The following FMO1 variants were observed in gnomAD, a reference collection of about 807,000 sequenced individuals.
The protein encoded by FMO1 is flavin containing dimethylaniline monoxygenase 1, also known as flavin-containing monooxygenase 1.
A neutral mutation model predicts 45.4 loss-of-function variants in FMO1; 36 were observed. The observed-to-expected ratio is 0.79, with a 90% CI of 0.61 to 1.05. The LOEUF is 1.05. Among genes scored for constraint, FMO1 ranks in the 50% least tolerant of loss-of-function variants. FMO1 has a pLI of 0.00. For synonymous variants in FMO1, 228 were observed against 227.2 expected (o/e 1.00, Z -0.03); for missense variants, 615 against 640.3 (o/e 0.96, Z 0.43).
At chr1:171,263,081 C>T (rs1660442332) in intron 2 of FMO1, among the ~76,000 whole-genome samples, 1 of 152,126 alleles carries the variant, frequency 6.6e-6, no homozygotes, top group Admixed American at 6.5e-5. Context: ...AAAGAACTGA[C>T]CTGACAAAAT....
intron 1 of FMO1, among the ~76,000 whole-genome samples, chr1:171,257,108 T>C (rs1394871673): frequency 6.6e-6 from 1 of 152,230 alleles, no homozygotes; most frequent in Admixed American, 6.5e-5. Flanking sequence ...TTAACTCACT[T>C]GATTCTCACA....
At position 171,280,933 on chromosome 1, in the gene FMO1, A is replaced by G; in HGVS notation, c.775A>G (p.Lys259Glu). ...AATTGTGACTTGGTTGATGGAGCGA[A>G]AGATAAACAACTGGCTCAATCATGC... ...TPIVTWLMERKINNWLNHANY... is the reference protein window; with the variant it reads ...TPIVTWLMEREINNWLNHANY... The change falls in exon 6 of 9, where the codon AAG becomes GAG. Residue 259 changes from lysine (K) to glutamate (E), a missense_variant. Transcript: ENST00000617670. 6.2e-7 allele frequency: 1 copy of G among 1,613,938 alleles called. No individual in the cohort carries two copies. Among genetic ancestry groups the G allele is most frequent in the Non-Finnish European group, 8.5e-7 (1 of 1,179,860 alleles).
At position 171,258,423 on chromosome 1, in the gene FMO1, C is replaced by T. The variant is rs1197523148; in HGVS notation, c.132+204C>T. 1.1e-4 allele frequency among the ~76,000 whole-genome samples: 17 copies of T among 152,154 alleles called. 1 individual carries two copies. The highest frequency in any genetic ancestry group is 1.1e-3 in the Admixed American group (17 of 15,284). Reference sequence around the variant, plus strand: ...GGGTGGAAGTCAGAACAGACTTGTACACTTTATCTAGAGCCAAGGGGAAGA... The same window carrying T: ...GGGTGGAAGTCAGAACAGACTTGTATACTTTATCTAGAGCCAAGGGGAAGA... On this transcript the variant is annotated intron_variant, in intron 2 of 8. Transcript: ENST00000617670.
rs141176574 is a variant in FMO1, at chr1:171,280,694, C to T, written c.628-92C>T. ...TTTGAGAGTGGCAGACTTTTCAGTG[C>T]CTTTCCATTCATGACACTTCTTGAA... On this transcript the variant is annotated intron_variant, in intron 5 of 8. Coordinates refer to ENST00000617670, the MANE Select transcript of FMO1 (RefSeq NM_001282693.2). The T allele has an allele frequency of 1.7e-4, 173 of 1,046,496 alleles. No homozygotes were observed. In the East Asian group the frequency reaches 4.1e-3, roughly 25 times the overall value. The allele number at this position is 1,046,496 out of a possible 1,614,324, so 64.8% of individuals were successfully genotyped here.
At position 171,275,397 on chromosome 1, in the gene FMO1, T is replaced by C; in HGVS notation, c.373T>C (p.Trp125Arg). ...KCSDSAVSGQ[W>R]EVVTMHEEKQ... ...CTCAGATTCTGCTGTCTCTGGCCAA[T>C]GGGAGGTGGTCACTATGCATGAAGA... The change falls in exon 4 of 9, where the codon TGG becomes CGG. Residue 125 changes from tryptophan (W) to arginine (R), a missense_variant. Coordinates refer to ENST00000617670, the MANE Select transcript of FMO1 (RefSeq NM_001282693.2). The C allele has an allele frequency of 6.2e-7, 1 of 1,613,872 alleles. No homozygotes were observed. The highest frequency in any genetic ancestry group is 8.5e-7 in the Non-Finnish European group (1 of 1,179,790).
chr1:171,262,626 A>G (rs1660422887), intron 2 of FMO1, among the ~76,000 whole-genome samples: 1 of 152,266 alleles, frequency 6.6e-6, no homozygotes. Flanking sequence ...TCACAAGAAT[A>G]GTTCCTCAAC....
chr1:171,249,108 TCTGTC>T (rs1659763150), intron 1 of FMO1, among the ~76,000 whole-genome samples: 1 of 152,004 alleles, frequency 6.6e-6, no homozygotes, highest in African/African-American at 2.4e-5. Context: ...ACTAATCTGT[TCTGTC>T]ATGTCATCTT....
intron 3 of FMO1, chr1:171,271,605 C>A: frequency 1.3e-6 from 1 of 760,456 alleles, no homozygotes; most frequent in South Asian, 1.4e-5. Context: ...TTATTTTTCC[C>A]CAGTGAGGCA....
At position 171,278,776 on chromosome 1, in the gene FMO1, C is replaced by CCGGCA. The variant is rs1262251342; in HGVS notation, c.532_533insCGGCA (p.His178ProfsTer14). 4.3e-6 allele frequency: 7 copies of CCGGCA among 1,610,588 alleles called. No homozygotes were observed. In the South Asian group the frequency reaches 6.6e-5, roughly 15 times the overall value. Reference sequence around the variant, plus strand: ...GTACTTTCATAGCCGGCAATATAAGCATCCAGATATATTTAAGGACAAGAG... The same window carrying CCGGCA: ...GTACTTTCATAGCCGGCAATATAAGCCGGCAATCCAGATATATTTAAGGACAAGAG... On this transcript the variant is annotated frameshift_variant, in exon 5 of 9. Transcript: ENST00000617670. LOFTEE classifies it high-confidence loss of function.
intron 4 of FMO1, among the ~76,000 whole-genome samples, chr1:171,277,884 G>A (rs1009060474): frequency 6.3e-4 from 94 of 150,220 alleles, no homozygotes; most frequent in African/African-American, 2.3e-3. Context: ...TTTTTCCCCT[G>A]AGAATGTAGA....
intron 7 of FMO1, 196 bp downstream of exon 7, chr1:171,282,529 C>A: frequency 2.2e-6 from 1 of 448,642 alleles, no homozygotes; most frequent in Non-Finnish European, 3.8e-6. Context: ...ATATCAGGGT[C>A]AAAAATATAT....
At position 171,280,767 on chromosome 1, in the gene FMO1, T is replaced by C; in HGVS notation, c.628-19T>C. Reference sequence around the variant, plus strand: ...GTGTTCACAGTGTCAAATGAAGGGATGTCTTTGATTGCTTCCAGGTGTTCC... The same window carrying C: ...GTGTTCACAGTGTCAAATGAAGGGACGTCTTTGATTGCTTCCAGGTGTTCC... On this transcript the variant is annotated intron_variant, in intron 5 of 8. Coordinates refer to ENST00000617670, the MANE Select transcript of FMO1 (RefSeq NM_001282693.2). The C allele has an allele frequency of 6.2e-7, 1 of 1,606,684 alleles. No homozygotes were observed. The highest frequency in any genetic ancestry group is 1.1e-5 in the South Asian group (1 of 90,842).
At chr1:171,279,404 A>C (rs999150469) in intron 5 of FMO1, among the ~76,000 whole-genome samples, 2 of 152,198 alleles carry the variant, frequency 1.3e-5, no homozygotes, top group Non-Finnish European at 2.9e-5. Flanking sequence ...CAAGCCACTG[A>C]AGTAGGTACT....
intron 2 of FMO1, 79 bp downstream of exon 2, chr1:171,258,298 A>G (rs1263608554): frequency 3.4e-5 from 53 of 1,540,772 alleles, no homozygotes; most frequent in Non-Finnish European, 4.7e-5. Flanking sequence ...TGCTTCTTTC[A>G]CAAGGGTTGG....
At chr1:171,255,046 A>G (rs28384843) in intron 1 of FMO1, among the ~76,000 whole-genome samples, 1 of 152,210 alleles carries the variant, frequency 6.6e-6, no homozygotes, top group Non-Finnish European at 1.5e-5. Context: ...CAATATAGAA[A>G]CCACGGAGTG....
chr1:171,260,451 C>A (rs1465237487), intron 2 of FMO1, among the ~76,000 whole-genome samples: 14 of 151,780 alleles, frequency 9.2e-5, no homozygotes. Context: ...GGTGGGGAGA[C>A]AAGAGATACA....
At chr1:171,281,716 A>T (rs1661365153) in intron 6 of FMO1, among the ~76,000 whole-genome samples, 1 of 152,206 alleles carries the variant, frequency 6.6e-6, no homozygotes, top group Non-Finnish European at 1.5e-5. Flanking sequence ...TGAATGCTAA[A>T]AATCAGCAAG....
At chr1:171,274,194 G>A (rs1558013684) in intron 3 of FMO1, among the ~76,000 whole-genome samples, 1 of 149,808 alleles carries the variant, frequency 6.7e-6, no homozygotes, top group African/African-American at 2.4e-5. Flanking sequence ...TTACTCAGCT[G>A]TGATCTGTAG....
Position 171,267,527 on chromosome 1 carries a change from T to C in FMO1, c.133-16T>C, listed in dbSNP as rs749129852. ...AGCATGCAATGAATGTTCATGTGTG[T>C]GCACTGTTTGTACAGGAACATGTTG... On this transcript the variant is annotated splice_polypyrimidine_tract_variant and intron_variant, in intron 2 of 8. Transcript: ENST00000617670. The C allele has an allele frequency of 7.6e-6, 12 of 1,573,704 alleles. No homozygotes were observed. The highest frequency in any genetic ancestry group is 1.4e-5 in the African/African-American group (1 of 73,896).
Sources: gnomAD v4.1 joint callset for allele counts (sites outside exome capture counted in the v4.1 genomes callset) on GRCh38, gnomAD v4.1.1 for gene constraint, MANE v1.5 for transcripts, NCBI Gene and HGNC (gene_info 2026-07-23, HGNC 2026-07-21) for gene names.